NUTM1: variants seen among roughly 807,000 people sequenced by gnomAD.
The protein encoded by NUTM1 is NUT family member 1.
A neutral mutation model predicts 88.7 loss-of-function variants in NUTM1; 39 were observed. That is an observed-to-expected ratio of 0.44 (90% CI 0.34 to 0.57). NUTM1 has a LOEUF of 0.57. NUTM1 is among the 20% of genes least tolerant of loss of function. The pLI, the probability that NUTM1 is intolerant of heterozygous loss-of-function variation, is 0.01. For missense variants in NUTM1, 1,350 were observed against 1,414.5 expected (o/e 0.95, Z 0.73); for synonymous variants, 494 against 538.0 (o/e 0.92, Z 1.13).
At chr15:34,351,635 A>G (rs544664369) in intron 4 of NUTM1, among the ~76,000 whole-genome samples, 8 of 152,282 alleles carry the variant, frequency 5.3e-5, no homozygotes, top group South Asian at 2.1e-4. Context: ...GGACCTAGCA[A>G]TGAGGAGGTG....
intron 1 of NUTM1, chr15:34,345,734 C>CA (rs1890573788): frequency 1.6e-6 from 1 of 607,534 alleles, no homozygotes; most frequent in African/African-American, 1.9e-5. Flanking sequence ...AGGCAAACAT[C>CA]AATTGTGTTG....
chr15:34,355,383 A>C lies in NUTM1; in HGVS notation c.1480-105A>C, dbSNP rs1595613341. On this transcript the variant is annotated intron_variant, in intron 7 of 7. Coordinates refer to ENST00000537011, the MANE Select transcript of NUTM1 (RefSeq NM_001284292.2). The surrounding 1 kb of genome is among the most constrained non-coding windows in gnomAD (Gnocchi z 4.3). ...TGTCTTTGCTACCATCGCTTAAACT[A>C]CTTGCTTGCCTTCCTTGCCCTGCCC... 6.2e-6 allele frequency: 7 copies of C among 1,122,698 alleles called. No individual in the cohort carries two copies. The East Asian group carries it at 1.7e-4, about 27-fold the overall frequency. The allele number at this position is 1,122,698 out of a possible 1,614,324, so 69.5% of individuals were successfully genotyped here.
intron 1 of NUTM1, 41 bp downstream of exon 1, chr15:34,343,743 G>A (rs1279654088): frequency 1.3e-6 from 2 of 1,516,826 alleles, no homozygotes; most frequent in Admixed American, 2.1e-5. Context: ...CACCTTCTAG[G>A]AGTTTTTACA....
chr15:34,345,683 G>A (rs1486988298), intron 1 of NUTM1, among the ~76,000 whole-genome samples: 1 of 152,208 alleles, frequency 6.6e-6, no homozygotes. Flanking sequence ...AAACTGTAAT[G>A]TGTTGGGAAT....
chr15:34,353,127 C>T (rs1176755727), intron 4 of NUTM1, among the ~76,000 whole-genome samples: 2 of 151,684 alleles, frequency 1.3e-5, no homozygotes, highest in African/African-American at 4.8e-5. Flanking sequence ...CCTCATGATC[C>T]GCCCGCCTCA....
chr15:34,357,375 G>A lies in NUTM1; in HGVS notation c.3367G>A (p.Gly1123Arg), dbSNP rs202027657. The change falls in exon 8 of 8, where the codon GGG becomes AGG. Residue 1123 changes from glycine to arginine, a missense_variant. Physicochemically the swap from Gly to Arg is moderately radical, Grantham distance 125. Around this residue, in one of 5 missense-constraint regions of NUTM1, gnomAD observed 730 missense variants for 728.8 expected, o/e 1.00. Transcript: ENST00000537011. ...EKTPHSGAQLGVPREKPLALG... is the reference protein window; with the variant it reads ...EKTPHSGAQLRVPREKPLALG... Reference sequence around the variant, plus strand: ...GACACCCCACTCAGGAGCTCAACTTGGGGTCCCCAGGGAGAAACCCCTAGC... The same window carrying A: ...GACACCCCACTCAGGAGCTCAACTTAGGGTCCCCAGGGAGAAACCCCTAGC... 4 of 1,614,172 alleles carry A rather than the reference G, an allele frequency of 2.5e-6. No individual in the cohort carries two copies. Among genetic ancestry groups the A allele is most frequent in the Admixed American group, 3.3e-5 (2 of 60,028 alleles).
intron 6 of NUTM1, 49 bp downstream of exon 6, chr15:34,354,781 A>T: frequency 6.4e-7 from 1 of 1,564,412 alleles, no homozygotes; most frequent in Non-Finnish European, 8.8e-7. Context: ...TGGGGTGGGT[A>T]CTCCCGGGAA....
At chr15:34,354,383 G>C in intron 5 of NUTM1, 63 bp from the exon 6 acceptor site, 3 of 1,532,662 alleles carry the variant, frequency 2.0e-6, no homozygotes, top group Non-Finnish European at 2.7e-6. Flanking sequence ...TGTACATTCC[G>C]AAGGAGGCAG....
intron 2 of NUTM1, among the ~76,000 whole-genome samples, chr15:34,347,324 C>T (rs1438138991): frequency 6.6e-6 from 1 of 151,618 alleles, no homozygotes; most frequent in Non-Finnish European, 1.5e-5. Flanking sequence ...GAGGCGCAAT[C>T]TCAGCTCACT....
At position 34,346,049 on chromosome 15, in the gene NUTM1, T is replaced by C; in HGVS notation, c.100+14T>C. The C allele has an allele frequency of 6.2e-7, 1 of 1,613,650 alleles. No homozygotes were observed. The highest frequency in any genetic ancestry group is 1.1e-5 in the South Asian group (1 of 91,046). On this transcript the variant is annotated intron_variant, in intron 2 of 7. Transcript: ENST00000537011. ...CTTCAGATGGAGGTAAGTCTGCAGGTGGTGAGGAGGATTTCTGGTACCTGC... is the reference window on the plus strand; with the variant it reads ...CTTCAGATGGAGGTAAGTCTGCAGGCGGTGAGGAGGATTTCTGGTACCTGC...
rs746862198 is a variant in NUTM1, at chr15:34,355,075, CAGAG to C, written c.1421_1424del (p.Arg474IlefsTer5). On this transcript the variant is annotated frameshift_variant, in exon 7 of 8. Coordinates refer to ENST00000537011, the MANE Select transcript of NUTM1 (RefSeq NM_001284292.2). LOFTEE classifies it high-confidence loss of function. The surrounding 1 kb of genome is among the most constrained non-coding windows in gnomAD (Gnocchi z 4.3). ...GGCAGATCTGCTGTCCCCAGAAAAA[CAGAG>C]AGATCCCTTGGCCTTAATTGAGGAG... 1.2e-5 allele frequency: 19 copies of C among 1,614,018 alleles called. No homozygotes were observed.
At position 34,357,410 on chromosome 15, in the gene NUTM1, A is replaced by G; in HGVS notation, c.3402A>G (p.Val1134=). 6.2e-7 allele frequency: 1 copy of G among 1,614,182 alleles called. No homozygotes were observed. The highest frequency in any genetic ancestry group is 8.5e-7 in the Non-Finnish European group (1 of 1,180,022). The part of the protein sequence containing the change: ...VPREKPLALG[V]VRPSQPRKRR... Reference sequence around the variant, plus strand: ...GGGAGAAACCCCTAGCTCTGGGAGTAGTTCGACCCTCACAGCCTCGTAAAA... The same window carrying G: ...GGGAGAAACCCCTAGCTCTGGGAGTGGTTCGACCCTCACAGCCTCGTAAAA... Residue 1134 remains valine (V), a synonymous_variant, in exon 8 of 8, where the codon GTA becomes GTG. Transcript: ENST00000537011.
At position 34,356,926 on chromosome 15, in the gene NUTM1, A is replaced by C. The variant is rs370061710; in HGVS notation, c.2918A>C (p.Asn973Thr). The change falls in exon 8 of 8, where the codon AAC becomes ACC. Residue 973 changes from asparagine (N) to threonine (T), a missense_variant. By Grantham distance (65) the Asn-to-Thr change is moderately conservative. This residue lies in a region of NUTM1 where 730 missense variants were observed against 728.8 expected (regional missense o/e 1.00). Coordinates refer to ENST00000537011, the MANE Select transcript of NUTM1 (RefSeq NM_001284292.2). The part of the protein sequence containing the change: ...RVDPDLSKPK[N>T]LAPLQESQES... ...GATCCTGATCTGTCCAAGCCTAAAAACCTTGCTCCTTTACAAGAGAGTCAG... is the reference window on the plus strand; with the variant it reads ...GATCCTGATCTGTCCAAGCCTAAAACCCTTGCTCCTTTACAAGAGAGTCAG... 65 of 1,613,556 alleles carry C rather than the reference A, an allele frequency of 4.0e-5. No homozygotes were observed. Among genetic ancestry groups the C allele is most frequent in the Non-Finnish European group, 5.0e-5 (59 of 1,179,914 alleles).
chr15:34,350,108 C>T (rs347797), intron 3 of NUTM1, among the ~76,000 whole-genome samples: 84,853 of 151,960 alleles, frequency 0.56, 23,895 homozygotes, highest in East Asian at 0.8. Context: ...GTCAGAGAGA[C>T]AAAAATGAAG....
At chr15:34,345,906 C>T (rs747410205) in intron 1 of NUTM1, 36 bp from the exon 2 acceptor site, 1 of 1,612,052 alleles carries the variant, frequency 6.2e-7, no homozygotes, top group Non-Finnish European at 8.5e-7. Flanking sequence ...TCTTTACCTT[C>T]CCTTCCTTGG....
Position 34,357,379 on chromosome 15 carries a change from T to C in NUTM1, c.3371T>C (p.Val1124Ala), listed in dbSNP as rs1890838812. 1 of 1,613,996 alleles carries C rather than the reference T, an allele frequency of 6.2e-7. No individual in the cohort carries two copies. Among genetic ancestry groups the C allele is most frequent in the African/African-American group, 1.3e-5 (1 of 74,970 alleles). The change falls in exon 8 of 8, where the codon GTC (valine) becomes GCC (alanine). Residue 1124 changes from valine (V) to alanine (A), a missense_variant. Coordinates refer to ENST00000537011, the MANE Select transcript of NUTM1 (RefSeq NM_001284292.2). Reference sequence around the variant, plus strand: ...CCCCACTCAGGAGCTCAACTTGGGGTCCCCAGGGAGAAACCCCTAGCTCTG... The same window carrying C: ...CCCCACTCAGGAGCTCAACTTGGGGCCCCCAGGGAGAAACCCCTAGCTCTG... ...KTPHSGAQLG[V>A]PREKPLALGV...
chr15:34,345,727 C>G (rs1330767920), intron 1 of NUTM1: 2 of 573,246 alleles, frequency 3.5e-6, no homozygotes, highest in African/African-American at 3.8e-5. Flanking sequence ...CCTAAAGAGG[C>G]AAACATCAAT....
chr15:34,343,380 A>G lies in NUTM1; in HGVS notation c.-317A>G, dbSNP rs1890521915. Reference sequence around the variant, plus strand: ...ATGGATGTGGATAGAATATTGACGTATAGAAGCCTGTCTTTGTCTCAAGAT... The same window carrying G: ...ATGGATGTGGATAGAATATTGACGTGTAGAAGCCTGTCTTTGTCTCAAGAT... On this transcript the variant is annotated 5_prime_UTR_variant, in exon 1 of 8. Transcript: ENST00000537011. 3.3e-6 allele frequency: 2 copies of G among 606,818 alleles called. No individual in the cohort carries two copies. The highest frequency in any genetic ancestry group is 4.0e-5 in the South Asian group (2 of 50,206). The allele number at this position is 606,818 out of a possible 1,614,324, so 37.6% of individuals were successfully genotyped here. A position where few individuals can be genotyped will look rare whatever the true frequency, so the allele number is the denominator to read the frequency against.
Position 34,348,205 on chromosome 15 carries a change from GC to G in NUTM1, c.338del (p.Ala113ValfsTer50), listed in dbSNP as rs1165481505. 4 of 1,614,098 alleles carry G rather than the reference GC, an allele frequency of 2.5e-6. No homozygotes were observed. The highest frequency in any genetic ancestry group is 3.4e-6 in the Non-Finnish European group (4 of 1,180,036). On this transcript the variant is annotated frameshift_variant, in exon 3 of 8. Coordinates refer to ENST00000537011, the MANE Select transcript of NUTM1 (RefSeq NM_001284292.2). LOFTEE classifies it high-confidence loss of function. ...DGGPCLSGAGAGKVIVKVKTE... is the reference protein window; with the variant it reads ...DGGPCLSGAGXGKVIVKVKTE... ...GGGCCCTTGCCTCAGTGGGGCTGGG[GC>G]TGGCAAGGTCATTGTCAAAGTCAAG... is the stretch of plus-strand genomic sequence containing the variant.
Sources: gnomAD v4.1 joint callset for allele counts (sites outside exome capture counted in the v4.1 genomes callset) on GRCh38, gnomAD v4.1.1 for gene constraint, gnomAD v4.1.1 regional missense constraint, Gnocchi (gnomAD v3.1) non-coding constraint, MANE v1.5 for transcripts, NCBI Gene and HGNC (gene_info 2026-07-23, HGNC 2026-07-21) for gene names.